The following RUSC2 variants were observed in gnomAD, a reference collection of about 807,000 sequenced individuals.
RUSC2 encodes the protein AP-4 complex accessory subunit RUSC2.
Under a neutral mutation model 122.2 loss-of-function variants are expected in RUSC2, and 34 were observed. The ratio of observed to expected loss-of-function variants is 0.28; its 90% CI spans 0.21 to 0.37. RUSC2 has a LOEUF of 0.37. Ranked by LOEUF, RUSC2 falls within the 10% of genes least tolerant of loss-of-function variation. The pLI, the probability that RUSC2 is intolerant of heterozygous loss-of-function variation, is 1.00. For synonymous variants in RUSC2, 784 were observed against 790.0 expected, an observed-to-expected ratio of 0.99 and a Z score of 0.13; for missense variants, 1,747 against 1,952.4, an observed-to-expected ratio of 0.89 and a Z score of 1.98.
At chr9:35,499,649 C>CA (rs947766621) in intron 1 of RUSC2, among the ~76,000 whole-genome samples, 1 of 151,990 alleles carries the variant, frequency 6.6e-6, no homozygotes, top group African/African-American at 2.4e-5. Context: ...TCTTAGGATC[C>CA]AAAAAAATCT....
Position 35,557,280 on chromosome 9 carries a change from A to C in RUSC2, c.2984-634A>C, listed in dbSNP as rs1360755121. Among the ~76,000 whole-genome samples, 3 of 152,192 alleles carry C rather than the reference A, an allele frequency of 2.0e-5. No homozygotes were observed. The highest frequency in any genetic ancestry group is 4.4e-5 in the Non-Finnish European group (3 of 68,030). Reference sequence around the variant, plus strand: ...AGGCAGAAGGGGAGAATCAGAGCTCAGGGAGAAAGAACCCGGGCAAGAAGG... The same window carrying C: ...AGGCAGAAGGGGAGAATCAGAGCTCCGGGAGAAAGAACCCGGGCAAGAAGG... On this transcript the variant is annotated intron_variant, in intron 5 of 11. Transcript: ENST00000361226. This position sits in a 1 kb window ranked among gnomAD's most constrained non-coding sequence, Gnocchi z 4.6.
rs7860738 is a variant in RUSC2, at chr9:35,517,740, C to T, written c.-93+27568C>T. ...AGACTGGGCCTATTTCCTAATGTGG[C>T]CACTGTGACCCTAGAAGAGGGAGGA... On this transcript the variant is annotated intron_variant, in intron 1 of 11. Transcript: ENST00000361226. 1.8e-3 allele frequency among the ~76,000 whole-genome samples: 268 copies of T among 152,230 alleles called. 1 individual carries two copies. Among genetic ancestry groups the T allele is most frequent in the African/African-American group, 5.0e-3 (206 of 41,530 alleles).
intron 1 of RUSC2, among the ~76,000 whole-genome samples, chr9:35,509,049 G>A (rs1367689327): frequency 2.0e-5 from 3 of 152,062 alleles, no homozygotes; most frequent in Non-Finnish European, 4.4e-5. Context: ...AAAAATATCA[G>A]GAATCAGAAT....
chr9:35,557,806 C>T lies in RUSC2; in HGVS notation c.2984-108C>T, dbSNP rs920538080. On this transcript the variant is annotated intron_variant, in intron 5 of 11. Coordinates refer to ENST00000361226, the MANE Select transcript of RUSC2 (RefSeq NM_014806.5). The surrounding 1 kb of genome is among the most constrained non-coding windows in gnomAD (Gnocchi z 4.6). The stretch of plus-strand genomic sequence containing the variant: ...TAAGACCCATGTGCAGATGTGGAGA[C>T]GGAGTAAGTGTGGGAGCCCTTTCCC... 3.3e-5 allele frequency: 28 copies of T among 856,512 alleles called. No individual in the cohort carries two copies. Among genetic ancestry groups the T allele is most frequent in the Admixed American group, 1.2e-4 (7 of 57,008 alleles). The allele number at this position is 856,512 out of a possible 1,614,324, so 53.1% of individuals were successfully genotyped here. A position where few individuals can be genotyped will look rare whatever the true frequency, so the allele number is the denominator to read the frequency against.
At position 35,548,459 on chromosome 9, in the gene RUSC2, G is replaced by C. The variant is rs1821819038; in HGVS notation, c.1938G>C (p.Leu646=). Residue 646 remains leucine, a synonymous_variant, in exon 2 of 12, where the codon CTG becomes CTC. Transcript: ENST00000361226. The surrounding 1 kb of genome is among the most constrained non-coding windows in gnomAD (Gnocchi z 4.5). ...CTGGGCAAGGCCCCCTGGCTCAGCT[G>C]ATGGATCCAGGGCCTGCTCTCCCAG... is the stretch of plus-strand genomic sequence containing the variant. ...RATGQGPLAQ[L]MDPGPALPGS... The C allele has an allele frequency of 6.2e-7, 1 of 1,613,900 alleles. No individual in the cohort carries two copies. Among genetic ancestry groups the C allele is most frequent in the Non-Finnish European group, 8.5e-7 (1 of 1,180,026 alleles).
intron 1 of RUSC2, among the ~76,000 whole-genome samples, chr9:35,531,192 C>T (rs1424123758): frequency 3.3e-5 from 5 of 152,026 alleles, no homozygotes; most frequent in Non-Finnish European, 7.4e-5. Flanking sequence ...ACCTGGGAAG[C>T]GGAGCTTGCA....
intron 1 of RUSC2, among the ~76,000 whole-genome samples, chr9:35,516,447 A>T (rs191036561): frequency 6.6e-6 from 1 of 152,320 alleles, no homozygotes; most frequent in East Asian, 1.9e-4. Context: ...GGGGAAAGAA[A>T]AAAAAAGGCC....
chr9:35,499,013 G>A (rs1226132029), intron 1 of RUSC2, among the ~76,000 whole-genome samples: 2 of 152,130 alleles, frequency 1.3e-5, no homozygotes, highest in Non-Finnish European at 2.9e-5. Context: ...GAGGCCAGGC[G>A]TGGCGGCTTA....
At chr9:35,533,067 G>A (rs545726709) in intron 1 of RUSC2, among the ~76,000 whole-genome samples, 39 of 152,026 alleles carry the variant, frequency 2.6e-4, no homozygotes, top group African/African-American at 8.4e-4. Context: ...GCAACATGGC[G>A]AAACCCCATC....
At chr9:35,525,779 A>T (rs1428238981) in intron 1 of RUSC2, among the ~76,000 whole-genome samples, 1 of 152,120 alleles carries the variant, frequency 6.6e-6, no homozygotes, top group Non-Finnish European at 1.5e-5. Flanking sequence ...AGCAAGCCTC[A>T]GCCACCTTTA....
At chr9:35,553,875 A>G (rs1821951523) in intron 2 of RUSC2, among the ~76,000 whole-genome samples, 1 of 152,228 alleles carries the variant, frequency 6.6e-6, no homozygotes, top group Non-Finnish European at 1.5e-5. Flanking sequence ...GATGAGGGAT[A>G]GGAAAACCTG....
At position 35,546,614 on chromosome 9, in the gene RUSC2, A is replaced by C; in HGVS notation, c.93A>C (p.Gly31=). 6.4e-7 allele frequency: 1 copy of C among 1,556,686 alleles called. No homozygotes were observed. Among genetic ancestry groups the C allele is most frequent in the Non-Finnish European group, 8.7e-7 (1 of 1,153,338 alleles). Residue 31 remains glycine (G), a synonymous_variant, in exon 2 of 12, where the codon GGA becomes GGC. Coordinates refer to ENST00000361226, the MANE Select transcript of RUSC2 (RefSeq NM_014806.5). The surrounding 1 kb of genome is among the most constrained non-coding windows in gnomAD (Gnocchi z 4.3). ...AAGTCCCAGACAGGCAGTGCTGTGG[A>C]GGGGCAGGTGGAGGTGGTGGGAGCA... The part of the protein sequence containing the change: ...HCQVPDRQCC[G]GAGGGGGSTR...
Position 35,558,269 on chromosome 9 carries a change from C to T in RUSC2, c.3133C>T (p.Arg1045Cys), listed in dbSNP as rs753525585. 18 of 1,614,116 alleles carry T rather than the reference C, an allele frequency of 1.1e-5. No homozygotes were observed. The highest frequency in any genetic ancestry group is 1.1e-4 in the East Asian group (5 of 44,878). Residue 1045 changes from arginine to cysteine, a missense_variant, in exon 7 of 12, where the codon CGC (arginine) becomes TGC (cysteine). Coordinates refer to ENST00000361226, the MANE Select transcript of RUSC2 (RefSeq NM_014806.5). The surrounding 1 kb of genome is among the most constrained non-coding windows in gnomAD (Gnocchi z 4.3). ...TCTGAAGTACTTGTGCCCTGCCGTC[C>T]GCGCCGTGCTGGAGGATGGGCTCAA... ...LVLKYLCPAVRAVLEDGLKAF... is the reference protein window; with the variant it reads ...LVLKYLCPAVCAVLEDGLKAF...
At chr9:35,497,027 T>A (rs943521048) in intron 1 of RUSC2, among the ~76,000 whole-genome samples, 1 of 152,212 alleles carries the variant, frequency 6.6e-6, no homozygotes, top group African/African-American at 2.4e-5. Flanking sequence ...GAATAGTGAC[T>A]ACACAGTCAA....
intron 1 of RUSC2, among the ~76,000 whole-genome samples, chr9:35,542,776 C>T (rs575979427): frequency 6.6e-6 from 1 of 152,172 alleles, no homozygotes; most frequent in African/African-American, 2.4e-5. Context: ...CCAAGGGCTC[C>T]GTCATCTCCC....
In RUSC2 at chr9:35,548,328, G is replaced by A; in HGVS notation, c.1807G>A (p.Gly603Arg). 6.2e-7 allele frequency: 1 copy of A among 1,614,042 alleles called. No individual in the cohort carries two copies. The highest frequency in any genetic ancestry group is 8.5e-7 in the Non-Finnish European group (1 of 1,180,022). The change falls in exon 2 of 12, where the codon GGG becomes AGG. Residue 603 changes from glycine to arginine, a missense_variant. Gly to Arg is a moderately radical substitution (Grantham distance 125). Coordinates refer to ENST00000361226, the MANE Select transcript of RUSC2 (RefSeq NM_014806.5). This position sits in a 1 kb window ranked among gnomAD's most constrained non-coding sequence, Gnocchi z 4.5. Reference protein sequence around the residue: ...CSHSLPPMPLGPGMDLLGPDP... With the variant: ...CSHSLPPMPLRPGMDLLGPDP... ...CCATAGCCTGCCACCCATGCCTTTG[G>A]GGCCAGGCATGGACCTACTTGGCCC...
intron 1 of RUSC2, among the ~76,000 whole-genome samples, chr9:35,540,190 GA>G (rs1324054053): frequency 6.6e-6 from 1 of 152,012 alleles, no homozygotes; most frequent in Non-Finnish European, 1.5e-5. Context: ...GCAACATGGT[GA>G]AACCCTGTCT....
intron 1 of RUSC2, among the ~76,000 whole-genome samples, chr9:35,519,881 G>A (rs1821179550): frequency 1.3e-5 from 2 of 152,104 alleles, no homozygotes; most frequent in Non-Finnish European, 1.5e-5. Context: ...GAGGTTGAGT[G>A]ACCACCCAGA....
intron 1 of RUSC2, among the ~76,000 whole-genome samples, chr9:35,495,955 T>G (rs978906877): frequency 9.8e-5 from 15 of 152,328 alleles, no homozygotes; most frequent in African/African-American, 3.4e-4. Context: ...TTAATTTCCA[T>G]TTCAGATTGT....
Sources: gnomAD v4.1 joint callset for allele counts (sites outside exome capture counted in the v4.1 genomes callset) on GRCh38, gnomAD v4.1.1 for gene constraint, Gnocchi (gnomAD v3.1) non-coding constraint, MANE v1.5 for transcripts, NCBI Gene and HGNC (gene_info 2026-07-23, HGNC 2026-07-21) for gene names.